The following GART variants were observed in gnomAD, a reference collection of about 807,000 sequenced individuals.
GART encodes the protein phosphoribosylglycinamide formyltransferase, phosphoribosylglycinamide synthetase, phosphoribosylaminoimidazole synthetase, also known as trifunctional purine biosynthetic protein adenosine-3.
In GART, 43 loss-of-function variants were observed where a neutral mutation model predicts 107.2. The observed-to-expected ratio is 0.40, with a 90% CI of 0.31 to 0.52. The LOEUF is 0.52. Ranked by LOEUF, GART falls within the 20% of genes least tolerant of loss-of-function variation. The pLI, the probability that GART is intolerant of heterozygous loss-of-function variation, is 0.52. For missense variants in GART, 1,107 were observed against 1,206.5 expected (o/e 0.92, Z 1.22); for synonymous variants, 434 against 427.0 (o/e 1.02, Z -0.20).
At chr21:33,514,092 C>T (rs1174522285) in intron 16 of GART, among the ~76,000 whole-genome samples, 2 of 152,074 alleles carry the variant, frequency 1.3e-5, no homozygotes, top group Admixed American at 6.6e-5. Context: ...TGTGGTGAAA[C>T]CCCGTCTCTA....
chr21:33,507,763 C>T (rs541455658), intron 18 of GART, among the ~76,000 whole-genome samples: 22 of 152,154 alleles, frequency 1.4e-4, no homozygotes, highest in East Asian at 7.7e-4. Flanking sequence ...AACTGGGAGG[C>T]GGAGTTTGCA....
intron 1 of GART, among the ~76,000 whole-genome samples, chr21:33,540,898 TAAGAC>T (rs1569040546): frequency 6.6e-6 from 1 of 152,164 alleles, no homozygotes; most frequent in East Asian, 1.9e-4. Flanking sequence ...AATTTGCAGA[TAAGAC>T]AAGGAGGCCC....
At chr21:33,516,868 C>T (rs1569016984) in intron 16 of GART, 121 bp downstream of exon 16, 1 of 830,188 alleles carries the variant, frequency 1.2e-6, no homozygotes, top group Non-Finnish European at 1.9e-6. Context: ...TCCCAAAACC[C>T]CCAATGATTA....
At chr21:33,509,095 A>G (rs914374216) in intron 18 of GART, 1 of 152,244 alleles carries the variant, frequency 6.6e-6, no homozygotes, top group Non-Finnish European at 1.5e-5. Flanking sequence ...CTGAAGAAGT[A>G]TCAGAGCTGG....
intron 10 of GART, among the ~76,000 whole-genome samples, chr21:33,526,202 T>C (rs560808664): frequency 2.0e-5 from 3 of 151,328 alleles, no homozygotes; most frequent in African/African-American, 7.3e-5. Flanking sequence ...AGAGTCTTGC[T>C]CTGTCACCTA....
upstream of GART, chr21:33,542,512 G>A (rs1235564549): frequency 2.6e-5 from 4 of 153,284 alleles, no homozygotes; most frequent in African/African-American, 9.7e-5. Context: ...CCGGCCTATT[G>A]CTAAAAAAAA....
intron 18 of GART, chr21:33,509,345 T>C (rs568626456): frequency 9.3e-4 from 144 of 154,360 alleles, no homozygotes; most frequent in Non-Finnish European, 1.8e-3. Context: ...AGAATGTTCA[T>C]AGCAGTGTTA....
intron 8 of GART, 99 bp from the exon 9 acceptor site, chr21:33,528,703 T>C (rs1435147145): frequency 1.5e-5 from 15 of 985,440 alleles, no homozygotes; most frequent in Non-Finnish European, 2.0e-5. Context: ...CTTCTAATAA[T>C]CAAAGTTTTG....
intron 14 of GART, chr21:33,518,805 TTAAAC>T: frequency 1.9e-6 from 1 of 518,122 alleles, no homozygotes; most frequent in Non-Finnish European, 3.8e-6. Flanking sequence ...GTCGGTCTCC[TTAAAC>T]TAGTCAGATT....
At chr21:33,535,109 C>G (rs1479360810) in intron 3 of GART, 116 bp downstream of exon 3, 8 of 672,078 alleles carry the variant, frequency 1.2e-5, no homozygotes, top group African/African-American at 1.9e-5. Context: ...AGAGTGGAAG[C>G]TCTTTTTCCA....
At chr21:33,504,594 T>A in intron 20 of GART, 67 bp from the exon 21 acceptor site, 1 of 1,118,446 alleles carries the variant, frequency 8.9e-7, no homozygotes, top group Non-Finnish European at 1.3e-6. Context: ...AAGGAATACG[T>A]TTTCCTATCT....
At chr21:33,504,640 T>C in intron 20 of GART, 113 bp from the exon 21 acceptor site, 1 of 735,800 alleles carries the variant, frequency 1.4e-6, no homozygotes, top group South Asian at 1.8e-5. Flanking sequence ...ATTTCTGGGA[T>C]GGATGTTTTC....
Position 33,520,949 on chromosome 21 carries a change from G to C in GART, c.1460C>G (p.Pro487Arg), listed in dbSNP as rs1468998886. 3.1e-6 allele frequency: 5 copies of C among 1,613,876 alleles called. No individual in the cohort carries two copies. Among genetic ancestry groups the C allele is most frequent in the Non-Finnish European group, 4.2e-6 (5 of 1,179,970 alleles). ...GCCATCTGTTCCAGAGGCCAGAAGG[G>C]GATCTTTGAAACCAGCTGCTTTTAA... ...FDLKAAGFKD[P>R]LLASGTDGVG... The change falls in exon 13 of 22, where the codon CCC (proline) becomes CGC (arginine). Residue 487 changes from proline to arginine, a missense_variant. Physicochemically the swap from Pro to Arg is moderately radical, Grantham distance 103 (BLOSUM62 -2). Transcript: ENST00000381815.
chr21:33,504,719 C>T (rs78607066), intron 20 of GART, among the ~76,000 whole-genome samples, 192 bp from the exon 21 acceptor site: 2 of 152,214 alleles, frequency 1.3e-5, no homozygotes, highest in East Asian at 1.9e-4. Context: ...AGCAAGTACC[C>T]GCCTTGCACA....
Position 33,528,704 on chromosome 21 carries a change from C to T in GART, c.812-100G>A, listed in dbSNP as rs183005533. ...ATCTACTACATAAACTTCTAATAAT[C>T]AAAGTTTTGGAAAAATCATAAACAT... is the stretch of plus-strand genomic sequence containing the variant. On this transcript the variant is annotated intron_variant, in intron 8 of 21. Transcript: ENST00000381815. The T allele has an allele frequency of 3.0e-3, 2,767 of 923,658 alleles. 6 individuals carry two copies. Among genetic ancestry groups the T allele is most frequent in the Non-Finnish European group, 3.9e-3 (2,581 of 654,910 alleles). The allele number at this position is 923,658 out of a possible 1,614,324, so 57.2% of individuals were successfully genotyped here.
chr21:33,505,907 G>T (rs1041696948), intron 19 of GART, 67 bp downstream of exon 19: 42 of 1,589,414 alleles, frequency 2.6e-5, no homozygotes, highest in Non-Finnish European at 3.6e-5. Context: ...ATAGACCAGG[G>T]TCCTGTGAGG....
chr21:33,532,908 A>C (rs911455088), intron 4 of GART, among the ~76,000 whole-genome samples: 9 of 152,192 alleles, frequency 5.9e-5, no homozygotes, highest in African/African-American at 1.9e-4. Context: ...AGTAAGTAAC[A>C]AAACTGTTAC....
upstream of GART, chr21:33,542,649 C>T (rs757387210): frequency 6.0e-6 from 1 of 165,412 alleles, no homozygotes; most frequent in African/African-American, 2.4e-5. Flanking sequence ...CGAAACTGAA[C>T]TTGGCGCCAC....
At chr21:33,542,303 T>A (rs1376002847), upstream of GART, 1 of 152,234 alleles carries the variant, frequency 6.6e-6, no homozygotes, top group African/African-American at 2.4e-5. Flanking sequence ...ACGTTTATAA[T>A]GTGACAGTGG....
Sources: gnomAD v4.1 joint callset for allele counts (sites outside exome capture counted in the v4.1 genomes callset) on GRCh38, gnomAD v4.1.1 for gene constraint, MANE v1.5 for transcripts, NCBI Gene and HGNC (gene_info 2026-07-23, HGNC 2026-07-21) for gene names.